GABRB1: variants seen among roughly 807,000 people sequenced by gnomAD.
GABRB1 encodes gamma-aminobutyric acid type A receptor subunit beta1, also known as gamma-aminobutyric acid receptor subunit beta-1.
Under a neutral mutation model 51.6 loss-of-function variants are expected in GABRB1, and 17 were observed. The ratio of observed to expected loss-of-function variants is 0.33; its 90% CI spans 0.23 to 0.49. The LOEUF is 0.49. Among genes scored for constraint, GABRB1 ranks in the 20% least tolerant of loss-of-function variants. The probability of loss-of-function intolerance (pLI) is 0.99; values close to 1 mark genes in which losing one functional copy is unlikely to be tolerated. For missense variants in GABRB1, 410 were observed against 600.6 expected, an observed-to-expected ratio of 0.68 and a Z score of 3.32; for synonymous variants, 247 against 218.9, an observed-to-expected ratio of 1.13 and a Z score of -1.14.
chr4:47,276,884 G>A (rs1723095889), intron 4 of GABRB1, among the ~76,000 whole-genome samples: 1 of 151,934 alleles, frequency 6.6e-6, no homozygotes, highest in Non-Finnish European at 1.5e-5. Flanking sequence ...TATTACCAAG[G>A]GTCCTGTGGA....
intron 5 of GABRB1, among the ~76,000 whole-genome samples, chr4:47,389,129 G>A (rs1727898660): frequency 2.0e-5 from 3 of 152,180 alleles, no homozygotes; most frequent in Admixed American, 2.0e-4. Flanking sequence ...GTCACATCAA[G>A]TAATTTATCT....
At chr4:47,098,668 T>A (rs886603388) in intron 3 of GABRB1, among the ~76,000 whole-genome samples, 2 of 152,094 alleles carry the variant, frequency 1.3e-5, no homozygotes, top group Non-Finnish European at 2.9e-5. Flanking sequence ...AGAGTAAAAA[T>A]TGATATTCAC....
chr4:47,203,478 G>A (rs1719976076), intron 4 of GABRB1, among the ~76,000 whole-genome samples: 1 of 152,176 alleles, frequency 6.6e-6, no homozygotes, highest in African/African-American at 2.4e-5. Flanking sequence ...TGAATACCCG[G>A]ATATATCATA....
intron 5 of GABRB1, among the ~76,000 whole-genome samples, chr4:47,391,930 G>A (rs528880596): frequency 6.6e-6 from 1 of 152,156 alleles, no homozygotes. Flanking sequence ...AAAGGGTAGA[G>A]ATAAACACAA....
At chr4:47,412,766 T>G (rs1471152583) in intron 8 of GABRB1, among the ~76,000 whole-genome samples, 2 of 152,104 alleles carry the variant, frequency 1.3e-5, no homozygotes, top group Non-Finnish European at 2.9e-5. Context: ...TGTGGTGAAA[T>G]GCAATGGGTT....
At chr4:47,217,689 T>G (rs1036632287) in intron 4 of GABRB1, among the ~76,000 whole-genome samples, 8 of 151,780 alleles carry the variant, frequency 5.3e-5, no homozygotes, top group Admixed American at 2.0e-4. Flanking sequence ...GTTTTTTATT[T>G]TTTCTTTCTC....
At chr4:47,222,067 A>G (rs1242103234) in intron 4 of GABRB1, among the ~76,000 whole-genome samples, 1 of 152,124 alleles carries the variant, frequency 6.6e-6, no homozygotes, top group East Asian at 1.9e-4. Flanking sequence ...ACATAGCACT[A>G]AATATACATT....
intron 4 of GABRB1, among the ~76,000 whole-genome samples, chr4:47,228,775 C>T (rs1165085324): frequency 2.6e-5 from 4 of 151,998 alleles, no homozygotes; most frequent in Admixed American, 1.3e-4. Context: ...TGTATCCTCC[C>T]GTGGTGTGGA....
At chr4:47,204,653 C>T (rs185802501) in intron 4 of GABRB1, among the ~76,000 whole-genome samples, 3 of 152,232 alleles carry the variant, frequency 2.0e-5, no homozygotes, top group African/African-American at 7.2e-5. Flanking sequence ...GTCCTATTCT[C>T]ATAGTGAATG....
At chr4:47,006,186 T>C (rs555031377) in intron 1 of GABRB1, among the ~76,000 whole-genome samples, 1 of 152,140 alleles carries the variant, frequency 6.6e-6, no homozygotes, top group Non-Finnish European at 1.5e-5. Flanking sequence ...TATTGAATTA[T>C]GACCACAGAT....
intron 5 of GABRB1, among the ~76,000 whole-genome samples, chr4:47,325,749 C>T (rs894581163): frequency 6.6e-5 from 10 of 152,154 alleles, no homozygotes; most frequent in Non-Finnish European, 1.5e-4. Flanking sequence ...ATGCCACCTT[C>T]GATAGGAGGC....
chr4:47,231,169 C>A (rs1181025505), intron 4 of GABRB1, among the ~76,000 whole-genome samples: 1 of 152,240 alleles, frequency 6.6e-6, no homozygotes, highest in East Asian at 1.9e-4. Context: ...AGATTCATAT[C>A]AACTTACTAA....
At chr4:47,150,648 T>C (rs55880410) in intron 3 of GABRB1, among the ~76,000 whole-genome samples, 103,424 of 149,038 alleles carry the variant, frequency 0.69, 36,036 homozygotes, top group Middle Eastern at 0.85. Context: ...CACATATATA[T>C]ACACACACAC....
intron 5 of GABRB1, among the ~76,000 whole-genome samples, chr4:47,351,109 C>A (rs1004218817): frequency 1.2e-4 from 18 of 152,202 alleles, no homozygotes; most frequent in African/African-American, 4.3e-4. Context: ...TTTATTCAAT[C>A]AACAAATACT....
chr4:47,346,678 A>G (rs565387307), intron 5 of GABRB1, among the ~76,000 whole-genome samples: 66 of 152,386 alleles, frequency 4.3e-4, no homozygotes, highest in African/African-American at 1.5e-3. Context: ...AAGTCCCTAC[A>G]GGAATTTAGA....
chr4:47,058,466 A>G (rs1457400554), intron 3 of GABRB1, among the ~76,000 whole-genome samples: 1 of 152,214 alleles, frequency 6.6e-6, no homozygotes, highest in Non-Finnish European at 1.5e-5. Context: ...GAAAGCCTTG[A>G]ACAAGGTAGG....
chr4:47,041,077 G>T (rs569259619), intron 3 of GABRB1, among the ~76,000 whole-genome samples: 1 of 152,240 alleles, frequency 6.6e-6, no homozygotes, highest in East Asian at 1.9e-4. Context: ...GAGATTGCAT[G>T]AAAGCAGTGT....
chr4:47,039,750 C>T (rs538938079), intron 3 of GABRB1, among the ~76,000 whole-genome samples: 1 of 152,266 alleles, frequency 6.6e-6, no homozygotes, highest in Admixed American at 6.5e-5. Context: ...AGGGCATATG[C>T]ACTGGGAGGT....
chr4:47,260,796 C>A (rs1722402572), intron 4 of GABRB1, among the ~76,000 whole-genome samples: 1 of 152,042 alleles, frequency 6.6e-6, no homozygotes, highest in African/African-American at 2.4e-5. Context: ...TGCAAAAATC[C>A]TCAATGAAAT....
Sources: gnomAD v4.1 joint callset for allele counts (sites outside exome capture counted in the v4.1 genomes callset) on GRCh38, gnomAD v4.1.1 for gene constraint, MANE v1.5 for transcripts, NCBI Gene and HGNC (gene_info 2026-07-23, HGNC 2026-07-21) for gene names.